UBE2K: variants seen among roughly 807,000 people sequenced by gnomAD.
UBE2K encodes the protein ubiquitin conjugating enzyme E2 K, also known as ubiquitin-conjugating enzyme E2 K.
UBE2K carries 6 observed loss-of-function variants against 30.0 expected under a neutral mutation model. The observed-to-expected ratio is 0.20, with a 90% CI of 0.11 to 0.39. UBE2K has a LOEUF of 0.39. Ranked by LOEUF, UBE2K falls within the 10% of genes least tolerant of loss-of-function variation. The pLI, the probability that UBE2K is intolerant of heterozygous loss-of-function variation, is 1.00. For missense variants in UBE2K, 61 were observed against 241.6 expected, an observed-to-expected ratio of 0.25 and a Z score of 4.96; for synonymous variants, 86 against 83.7, an observed-to-expected ratio of 1.03 and a Z score of -0.15.
chr4:39,721,349 A>C (rs1479395325), intron 1 of UBE2K, among the ~76,000 whole-genome samples: 1 of 151,856 alleles, frequency 6.6e-6, no homozygotes, highest in Non-Finnish European at 1.5e-5. Flanking sequence ...AGAGTTGAAT[A>C]GGGAGCCGAA....
chr4:39,736,895 A>G (rs1039168348), intron 1 of UBE2K, among the ~76,000 whole-genome samples: 8 of 152,246 alleles, frequency 5.3e-5, no homozygotes, highest in African/African-American at 1.2e-4. Context: ...TAGAGCTTTC[A>G]CCATTCTGGT....
chr4:39,704,124 C>T (rs1422069959), intron 1 of UBE2K, among the ~76,000 whole-genome samples: 1 of 151,446 alleles, frequency 6.6e-6, no homozygotes, highest in East Asian at 1.9e-4. Context: ...GGCGTGGTGG[C>T]TCACATCGGT....
chr4:39,757,513 C>G (rs1418348324), intron 4 of UBE2K, among the ~76,000 whole-genome samples: 1 of 151,840 alleles, frequency 6.6e-6, no homozygotes, highest in African/African-American at 2.4e-5. Context: ...AATCCTGTCC[C>G]TCAGTAGATC....
At chr4:39,745,698 C>T (rs781007813) in intron 2 of UBE2K, 54 bp from the exon 3 acceptor site, 3 of 1,209,704 alleles carry the variant, frequency 2.5e-6, no homozygotes, top group Non-Finnish European at 3.6e-6. Flanking sequence ...GTATATTTGT[C>T]TTATATATTT....
chr4:39,728,835 T>G (rs1016712099), intron 1 of UBE2K, among the ~76,000 whole-genome samples: 75 of 150,172 alleles, frequency 5.0e-4, no homozygotes, highest in African/African-American at 1.7e-3. Flanking sequence ...TTGTTTTTTT[T>G]TTTTTGTATT....
chr4:39,774,637 A>C (rs1713176115), intron 4 of UBE2K, among the ~76,000 whole-genome samples, 197 bp from the exon 5 acceptor site: 1 of 152,164 alleles, frequency 6.6e-6, no homozygotes, highest in Non-Finnish European at 1.5e-5. Context: ...AAAAAGAAAT[A>C]GGCAAATTGT....
chr4:39,698,762 G>C (rs959150984), intron 1 of UBE2K, among the ~76,000 whole-genome samples: 1 of 152,206 alleles, frequency 6.6e-6, no homozygotes, highest in Non-Finnish European at 1.5e-5. Flanking sequence ...GTGGGTTGGG[G>C]GAAGGGGAAA....
intron 1 of UBE2K, among the ~76,000 whole-genome samples, chr4:39,733,814 T>TA (rs1370714566): frequency 6.6e-6 from 1 of 152,194 alleles, no homozygotes; most frequent in Non-Finnish European, 1.5e-5. Flanking sequence ...TCAGCACACA[T>TA]ATGTCTTACT....
chr4:39,735,036 T>G (rs1308266670), intron 1 of UBE2K, among the ~76,000 whole-genome samples: 1 of 152,196 alleles, frequency 6.6e-6, no homozygotes, highest in Non-Finnish European at 1.5e-5. Flanking sequence ...TGTGGAAAGC[T>G]ATCGAGATCT....
intron 4 of UBE2K, among the ~76,000 whole-genome samples, chr4:39,761,459 G>A (rs1293057300): frequency 6.6e-6 from 1 of 152,144 alleles, no homozygotes; most frequent in Non-Finnish European, 1.5e-5. Flanking sequence ...TACATAGTAA[G>A]GCCTGAGTCC....
chr4:39,716,192 T>G (rs1719047311), intron 1 of UBE2K, among the ~76,000 whole-genome samples: 1 of 152,250 alleles, frequency 6.6e-6, no homozygotes, highest in African/African-American at 2.4e-5. Context: ...TTTCTCTTTT[T>G]TATTCCTTTT....
At position 39,717,549 on chromosome 4, in the gene UBE2K, A is replaced by G. The variant is rs182386518; in HGVS notation, c.63+19159A>G. The stretch of plus-strand genomic sequence containing the variant: ...CAGCCTCTCCCAGCTTTTCTAGTCA[A>G]CCCTAATGGTGCCATGCCACTGGAT... On this transcript the variant is annotated intron_variant, in intron 1 of 6. Coordinates refer to ENST00000261427, the MANE Select transcript of UBE2K (RefSeq NM_005339.5). 2.5e-4 allele frequency among the ~76,000 whole-genome samples: 38 copies of G among 152,258 alleles called. No individual in the cohort carries two copies. The South Asian group carries it at 5.6e-3, about 22-fold the overall frequency.
chr4:39,766,206 G>C (rs1712326940), intron 4 of UBE2K, among the ~76,000 whole-genome samples: 1 of 151,546 alleles, frequency 6.6e-6, no homozygotes. Flanking sequence ...TTTTTTGAGG[G>C]ACTGCCATAC....
chr4:39,712,400 A>G (rs1718755556), intron 1 of UBE2K, among the ~76,000 whole-genome samples: 2 of 118,064 alleles, frequency 1.7e-5, no homozygotes, highest in South Asian at 2.8e-4. Flanking sequence ...TTTTTTCAGT[A>G]GAGACAGGGT....
In UBE2K at chr4:39,773,207, A is replaced by C. The variant is rs571852203; in HGVS notation, c.300-1627A>C. Among the ~76,000 whole-genome samples, 189 of 150,166 alleles carry C rather than the reference A, an allele frequency of 1.3e-3. 1 individual carries two copies. The highest frequency in any genetic ancestry group is 4.5e-3 in the South Asian group (21 of 4,712). ...AAATATGGCCGGGCGCGGTGGCTCA[A>C]GCCTGTAATCCCAGCATTTTGGGAG... On this transcript the variant is annotated intron_variant, in intron 4 of 6. Coordinates refer to ENST00000261427, the MANE Select transcript of UBE2K (RefSeq NM_005339.5).
At chr4:39,755,834 C>A in intron 4 of UBE2K, 95 bp downstream of exon 4, 1 of 891,284 alleles carries the variant, frequency 1.1e-6, no homozygotes, top group Non-Finnish European at 1.7e-6. Context: ...ATATATTATA[C>A]TTTATCTTGT....
At chr4:39,726,458 C>T (rs1218760065) in intron 1 of UBE2K, among the ~76,000 whole-genome samples, 2 of 151,312 alleles carry the variant, frequency 1.3e-5, no homozygotes, top group African/African-American at 4.9e-5. Context: ...TGGGCTTAAA[C>T]AATCCTCCTG....
chr4:39,711,325 G>A (rs967814374), intron 1 of UBE2K, among the ~76,000 whole-genome samples: 8 of 151,522 alleles, frequency 5.3e-5, no homozygotes, highest in Admixed American at 4.0e-4. Flanking sequence ...ACCAAGCCCA[G>A]CTAATTTTTT....
intron 1 of UBE2K, among the ~76,000 whole-genome samples, chr4:39,725,942 CT>C (rs36032554): frequency 2.0e-5 from 3 of 151,062 alleles, no homozygotes; most frequent in Non-Finnish European, 1.5e-5. Flanking sequence ...CACACTTGGC[CT>C]TTTTTTTTAA....
Sources: gnomAD v4.1 joint callset for allele counts (sites outside exome capture counted in the v4.1 genomes callset) on GRCh38, gnomAD v4.1.1 for gene constraint, MANE v1.5 for transcripts, NCBI Gene and HGNC (gene_info 2026-07-23, HGNC 2026-07-21) for gene names.